Variants in TBC1D9 observed in about 807,000 individuals in gnomAD.
TBC1D9 encodes the protein TBC1 domain family member 9, also known as TBC1 domain family member 9A.
Under a neutral mutation model 132.0 loss-of-function variants are expected in TBC1D9, and 63 were observed. That is an observed-to-expected ratio of 0.48 (90% confidence interval 0.39 to 0.59). TBC1D9 has a LOEUF of 0.59. TBC1D9 is among the 20% of genes least tolerant of loss of function. The pLI, the probability that TBC1D9 is intolerant of heterozygous loss-of-function variation, is 0.00. For missense variants in TBC1D9, 1,261 were observed against 1,592.7 expected, an observed-to-expected ratio of 0.79 and a Z score of 3.54; for synonymous variants, 610 against 609.9, an observed-to-expected ratio of 1.00 and a Z score of 0.00.
chr4:140,662,236 T>C, intron 9 of TBC1D9, 129 bp from the exon 10 acceptor site: 1 of 809,256 alleles, frequency 1.2e-6, no homozygotes, highest in Non-Finnish European at 2.1e-6. Context: ...GAAGGTGAAA[T>C]CACAGATGTG....
chr4:140,699,859 T>C (rs1472016581), intron 2 of TBC1D9, among the ~76,000 whole-genome samples: 1 of 151,618 alleles, frequency 6.6e-6, no homozygotes, highest in East Asian at 1.9e-4. Flanking sequence ...GCATGGGGGG[T>C]GGTATAGATG....
chr4:140,712,655 T>C (rs1435892824), intron 1 of TBC1D9, among the ~76,000 whole-genome samples: 3 of 150,944 alleles, frequency 2.0e-5, no homozygotes, highest in African/African-American at 7.3e-5. Context: ...GGCAGGAGAA[T>C]TGCTTGAACC....
chr4:140,637,838 G>T (rs1736905283), intron 15 of TBC1D9, among the ~76,000 whole-genome samples: 1 of 152,198 alleles, frequency 6.6e-6, no homozygotes, highest in Admixed American at 6.5e-5. Context: ...TGGACACCCG[G>T]AGTGCCTCCA....
intron 13 of TBC1D9, among the ~76,000 whole-genome samples, chr4:140,646,711 GC>G (rs1305368527): frequency 6.6e-6 from 1 of 152,174 alleles, no homozygotes; most frequent in Non-Finnish European, 1.5e-5. Context: ...GATAATCAGA[GC>G]AAAAGAGTAC....
intron 2 of TBC1D9, among the ~76,000 whole-genome samples, chr4:140,692,154 T>C (rs1223910377): frequency 2.0e-5 from 3 of 152,214 alleles, no homozygotes; most frequent in Admixed American, 2.0e-4. Context: ...TGTATGCACA[T>C]GTGTAGGTAC....
Position 140,678,988 on chromosome 4 carries a change from G to T in TBC1D9, c.805C>A (p.Pro269Thr). The T allele has an allele frequency of 1.2e-6, 2 of 1,613,852 alleles. No homozygotes were observed. The highest frequency in any genetic ancestry group is 1.7e-5 in the Admixed American group (1 of 60,014). The change falls in exon 5 of 21, where the codon CCC becomes ACC. Residue 269 changes from proline (P) to threonine (T), a missense_variant. Physicochemically the swap from Pro to Thr is conservative, Grantham distance 38. Transcript: ENST00000442267. ...NEGFEQDRSL[P>T]KLKRKSPKKV... ...TTAGGAGATTTCCTTTTGAGTTTGG[G>T]CAGGGATCGATCTTGTTCAAATCCC...
At chr4:140,731,824 C>T (rs776421071) in intron 1 of TBC1D9, among the ~76,000 whole-genome samples, 1 of 152,100 alleles carries the variant, frequency 6.6e-6, no homozygotes, top group African/African-American at 2.4e-5. Context: ...AATTTGGTCT[C>T]AAAGCCAAAT....
At chr4:140,628,978 C>T (rs1449121712) in intron 16 of TBC1D9, among the ~76,000 whole-genome samples, 1 of 152,054 alleles carries the variant, frequency 6.6e-6, no homozygotes, top group Admixed American at 6.6e-5. Flanking sequence ...ATTGCTAGAA[C>T]CAGAAAATCC....
At chr4:140,716,634 C>T (rs1197425657) in intron 1 of TBC1D9, among the ~76,000 whole-genome samples, 2 of 152,230 alleles carry the variant, frequency 1.3e-5, no homozygotes, top group East Asian at 1.9e-4. Flanking sequence ...ATGCTATAAA[C>T]TTGTCACAAC....
At chr4:140,681,220 C>T (rs1026001805) in intron 3 of TBC1D9, among the ~76,000 whole-genome samples, 5 of 152,194 alleles carry the variant, frequency 3.3e-5, no homozygotes, top group Non-Finnish European at 5.9e-5. Flanking sequence ...ATGGCCCTCC[C>T]ATTCTACATG....
chr4:140,745,947 T>C lies in TBC1D9; in HGVS notation c.130+9969A>G, dbSNP rs1281015035. Among the ~76,000 whole-genome samples the C allele has an allele frequency of 3.3e-5, 5 of 152,180 alleles. No homozygotes were observed. In the East Asian group the frequency reaches 7.7e-4, roughly 23 times the overall value. ...ATTTCTCATACATTTCTGGGAATTA[T>C]TTGGTTGTTTGATTATAAAATGGAA... On this transcript the variant is annotated intron_variant, in intron 1 of 20. Coordinates refer to ENST00000442267, the MANE Select transcript of TBC1D9 (RefSeq NM_015130.3).
intron 1 of TBC1D9, among the ~76,000 whole-genome samples, chr4:140,742,965 C>G (rs1738783446): frequency 6.8e-6 from 1 of 147,680 alleles, no homozygotes; most frequent in Non-Finnish European, 1.5e-5. Flanking sequence ...AATGTACATA[C>G]AGTATCAGGA....
intron 2 of TBC1D9, among the ~76,000 whole-genome samples, chr4:140,694,806 G>C (rs1737929256): frequency 6.6e-6 from 1 of 150,760 alleles, no homozygotes; most frequent in Admixed American, 6.6e-5. Flanking sequence ...TGAAAGTGAT[G>C]ATTTGTGATG....
At chr4:140,650,679 C>T (rs1314889339) in intron 13 of TBC1D9, among the ~76,000 whole-genome samples, 1 of 152,082 alleles carries the variant, frequency 6.6e-6, no homozygotes, top group East Asian at 1.9e-4. Context: ...ATTACAGGCG[C>T]CCATCACCAT....
intron 13 of TBC1D9, among the ~76,000 whole-genome samples, chr4:140,652,246 A>T: frequency 7.2e-6 from 1 of 137,994 alleles, no homozygotes; most frequent in Admixed American, 7.1e-5. Context: ...GTCTCAAATA[A>T]AAAAAAAAAA....
In TBC1D9 at chr4:140,701,567, C is replaced by T. The variant is rs1163916708; in HGVS notation, c.178G>A (p.Val60Ile). 2 of 1,613,810 alleles carry T rather than the reference C, an allele frequency of 1.2e-6. No individual in the cohort carries two copies. Among genetic ancestry groups the T allele is most frequent in the Admixed American group, 1.7e-5 (1 of 60,004 alleles). The change falls in exon 2 of 21, where the codon GTC becomes ATC. Residue 60 changes from valine to isoleucine, a missense_variant. Val to Ile is a conservative substitution (Grantham distance 29, BLOSUM62 3). This residue lies in a region of TBC1D9 where 550 missense variants were observed against 699.0 expected (regional missense o/e 0.79). Coordinates refer to ENST00000442267, the MANE Select transcript of TBC1D9 (RefSeq NM_015130.3). ...TGGTACAAGATTCGGTAAGGAGCGA[C>T]CCGGGCGCTGGAGTCCAACACAACA... ...LDVVLDSSAR[V>I]APYRILYQTP...
chr4:140,662,259 C>T (rs141210016), intron 9 of TBC1D9, among the ~76,000 whole-genome samples, 152 bp from the exon 10 acceptor site: 2 of 152,196 alleles, frequency 1.3e-5, no homozygotes, highest in African/African-American at 2.4e-5. Flanking sequence ...ATGTTGCAAT[C>T]GTGGCTAGAC....
intron 1 of TBC1D9, among the ~76,000 whole-genome samples, chr4:140,712,438 T>TA (rs1027333789): frequency 3.4e-4 from 10 of 29,198 alleles, no homozygotes; most frequent in Non-Finnish European, 4.1e-4. Context: ...ATATGCTCTT[T>TA]AAAAAAAAAG....
intron 3 of TBC1D9, among the ~76,000 whole-genome samples, chr4:140,681,733 T>G (rs1578838262): frequency 6.6e-6 from 1 of 152,300 alleles, no homozygotes; most frequent in East Asian, 1.9e-4. Context: ...TATTCCCACC[T>G]TATAATCTTC....
Sources: gnomAD v4.1 joint callset for allele counts (sites outside exome capture counted in the v4.1 genomes callset) on GRCh38, gnomAD v4.1.1 for gene constraint, gnomAD v4.1.1 regional missense constraint, MANE v1.5 for transcripts, NCBI Gene and HGNC (gene_info 2026-07-23, HGNC 2026-07-21) for gene names.